HMCN1: variants seen among roughly 807,000 people sequenced by gnomAD.
HMCN1 encodes the protein hemicentin-1.
HMCN1 carries 321 observed loss-of-function variants against 625.9 expected under a neutral mutation model. The ratio of observed to expected loss-of-function variants is 0.51; its 90% confidence interval spans 0.47 to 0.56. The LOEUF (loss-of-function observed/expected upper bound fraction) is 0.56, where lower values mean the gene tolerates loss of function less well. Among genes scored for constraint, HMCN1 ranks in the 20% least tolerant of loss-of-function variants. HMCN1 has a pLI of 0.00. For missense variants in HMCN1, 6,588 were observed against 6,887.3 expected (o/e 0.96, Z 1.54); for synonymous variants, 2,425 against 2,417.6 (o/e 1.00, Z -0.09).
At chr1:185,752,452 C>A (rs1311803338) in intron 1 of HMCN1, among the ~76,000 whole-genome samples, 1 of 152,132 alleles carries the variant, frequency 6.6e-6, no homozygotes. Flanking sequence ...CTGTTTTGAG[C>A]TTCTTTTTTA....
At chr1:185,902,358 C>T (rs1199644347) in intron 4 of HMCN1, among the ~76,000 whole-genome samples, 1 of 151,242 alleles carries the variant, frequency 6.6e-6, no homozygotes, top group East Asian at 1.9e-4. Context: ...AAACTATGAC[C>T]CTTCCTCCCA....
chr1:185,950,262 A>T (rs560199425), intron 11 of HMCN1, among the ~76,000 whole-genome samples: 2 of 151,790 alleles, frequency 1.3e-5, no homozygotes, highest in Admixed American at 1.3e-4. Context: ...CAGAAAGTAT[A>T]TGCGTCAGGT....
At chr1:186,168,651 C>T (rs1209918798) in intron 100 of HMCN1, among the ~76,000 whole-genome samples, 2 of 151,904 alleles carry the variant, frequency 1.3e-5, no homozygotes, top group Admixed American at 1.3e-4. Context: ...TATAGCAAGA[C>T]AGAAGTGGCA....
At chr1:186,015,901 A>T in intron 31 of HMCN1, 57 bp from the exon 32 acceptor site, 1 of 1,461,170 alleles carries the variant, frequency 6.8e-7, no homozygotes, top group Non-Finnish European at 9.6e-7. Flanking sequence ...ATTTCATTAG[A>T]ATGTATTTTG....
At chr1:185,961,946 AG>A (rs1299672569) in intron 11 of HMCN1, among the ~76,000 whole-genome samples, 6 of 152,306 alleles carry the variant, frequency 3.9e-5, no homozygotes, top group Admixed American at 1.3e-4. Context: ...TTCCATCAAA[AG>A]TTTTAAGTGT....
rs766152014 is a variant in HMCN1, at chr1:185,982,249, T to C, written c.2663-13T>C. ...AATAGAGTTGAAAGTGCCTGTGCTCTCTCTTGATTTAGTTGCTCCACTTAT... is the reference window on the plus strand; with the variant it reads ...AATAGAGTTGAAAGTGCCTGTGCTCCCTCTTGATTTAGTTGCTCCACTTAT... On this transcript the variant is annotated splice_polypyrimidine_tract_variant and intron_variant, in intron 17 of 106. Coordinates refer to ENST00000271588, the MANE Select transcript of HMCN1 (RefSeq NM_031935.3). 3 of 1,613,666 alleles carry C rather than the reference T, an allele frequency of 1.9e-6. No individual in the cohort carries two copies. Among genetic ancestry groups the C allele is most frequent in the Non-Finnish European group, 2.5e-6 (3 of 1,179,714 alleles).
At chr1:186,063,103 T>TATATATATAC (rs1657859128) in intron 48 of HMCN1, among the ~76,000 whole-genome samples, 1 of 130,056 alleles carries the variant, frequency 7.7e-6, no homozygotes, top group Non-Finnish European at 1.6e-5. Flanking sequence ...TATATATATA[T>TATATATATAC]CACATTTTCA....
chr1:185,787,764 T>G (rs1307062115), intron 1 of HMCN1, among the ~76,000 whole-genome samples: 1 of 152,212 alleles, frequency 6.6e-6, no homozygotes, highest in Non-Finnish European at 1.5e-5. Context: ...TGTAATTCTA[T>G]GAGGCAGTTT....
chr1:186,182,361 C>CG (rs1276402604), intron 105 of HMCN1, 74 bp downstream of exon 105: 50 of 1,562,270 alleles, frequency 3.2e-5, no homozygotes, highest in Non-Finnish European at 4.3e-5. Flanking sequence ...AGTTTTTTTT[C>CG]AATAATCATT....
rs568113439 is a variant in HMCN1 at position 186,032,152 on chromosome 1, G to A, written c.5750-5782G>A. ...ACCCACAGAGTGGGAGAAAATATTA[G>A]CAAACTGTGCATCTGGCAAAGGACC... On this transcript the variant is annotated intron_variant, in intron 36 of 106. Transcript: ENST00000271588. 2.0e-5 allele frequency among the ~76,000 whole-genome samples: 3 copies of A among 152,072 alleles called. No homozygotes were observed. In the South Asian group the frequency reaches 6.2e-4, roughly 32 times the overall value.
intron 64 of HMCN1, 38 bp from the exon 65 acceptor site, chr1:186,093,096 A>T: frequency 1.2e-6 from 2 of 1,611,984 alleles, no homozygotes; most frequent in South Asian, 2.2e-5. Context: ...AATAGATTCA[A>T]TCTCATCTCA....
Position 186,114,228 on chromosome 1 carries a change from T to C in HMCN1, c.11276+105T>C, listed in dbSNP as rs1661022179. 2.7e-6 allele frequency: 3 copies of C among 1,130,892 alleles called. No individual in the cohort carries two copies. The Admixed American group carries it at 5.5e-5, about 21-fold the overall frequency. 70.1% of individuals were successfully genotyped at this position (1,130,892 alleles called of 1,614,324 possible). On this transcript the variant is annotated intron_variant, in intron 73 of 106. Transcript: ENST00000271588. Reference sequence around the variant, plus strand: ...GGTCTCATTATGTTTAGAATCAGCATTTCATCTTAATACGAGAATCAAAAT... The same window carrying C: ...GGTCTCATTATGTTTAGAATCAGCACTTCATCTTAATACGAGAATCAAAAT...
At position 185,887,789 on chromosome 1, in the gene HMCN1, G is replaced by A. The variant is rs1664766061; in HGVS notation, c.622-21548G>A. Among the ~76,000 whole-genome samples the A allele has an allele frequency of 2.2e-5, 3 of 138,362 alleles. No individual in the cohort carries two copies. The South Asian group carries it at 7.1e-4, about 33-fold the overall frequency. 90.8% of individuals were successfully genotyped at this position (138,362 alleles called of 152,430 possible). The stretch of plus-strand genomic sequence containing the variant: ...ACATACGTGTGCATGTGTCTTTATA[G>A]CAGCATGATTTATAGTCCTTTGGGT... On this transcript the variant is annotated intron_variant, in intron 4 of 106. Coordinates refer to ENST00000271588, the MANE Select transcript of HMCN1 (RefSeq NM_031935.3).
Position 186,114,092 on chromosome 1 carries a change from G to T in HMCN1, c.11245G>T (p.Asp3749Tyr). 4 of 1,614,126 alleles carry T rather than the reference G, an allele frequency of 2.5e-6. No individual in the cohort carries two copies. Among genetic ancestry groups the T allele is most frequent in the Non-Finnish European group, 2.5e-6 (3 of 1,179,970 alleles). The change falls in exon 73 of 107, where the codon GAT becomes TAT. Residue 3749 changes from aspartate to tyrosine, a missense_variant. Physicochemically the swap from Asp to Tyr is radical, Grantham distance 160 (BLOSUM62 -3). This residue lies in a region of HMCN1 where 4,628 missense variants were observed against 4,853.1 expected (regional missense o/e 0.95). Transcript: ENST00000271588. ...VPTPRITWRK[D>Y]GAVLAGNHAR... ...AACTCCAAGGATAACATGGAGAAAG[G>T]ATGGAGCTGTTCTAGCTGGGAATCA...
chr1:185,933,102 G>A (rs1416154368), intron 10 of HMCN1, among the ~76,000 whole-genome samples: 1 of 152,014 alleles, frequency 6.6e-6, no homozygotes, highest in Non-Finnish European at 1.5e-5. Context: ...TTTCATTAAT[G>A]AGACTGTAAC....
At chr1:185,785,909 A>T (rs898821669) in intron 1 of HMCN1, among the ~76,000 whole-genome samples, 3 of 152,176 alleles carry the variant, frequency 2.0e-5, no homozygotes, top group Non-Finnish European at 4.4e-5. Flanking sequence ...TTTGTCATGA[A>T]CTTACTCTAC....
chr1:185,781,720 T>G (rs1446668714), intron 1 of HMCN1, among the ~76,000 whole-genome samples: 1 of 152,236 alleles, frequency 6.6e-6, no homozygotes, highest in African/African-American at 2.4e-5. Flanking sequence ...AGACAGTTTA[T>G]TATACTTTCC....
intron 30 of HMCN1, among the ~76,000 whole-genome samples, chr1:186,013,361 T>G (rs12743527): frequency 1.1e-4 from 16 of 152,220 alleles, no homozygotes; most frequent in Non-Finnish European, 2.4e-4. Flanking sequence ...CACAGTTGAT[T>G]GACGCTGATA....
At chr1:186,100,851 A>G (rs1285303216) in intron 68 of HMCN1, among the ~76,000 whole-genome samples, 1 of 152,096 alleles carries the variant, frequency 6.6e-6, no homozygotes, top group Non-Finnish European at 1.5e-5. Flanking sequence ...TTGTTTGGTG[A>G]TCAATGCAGT....
Sources: allele counts gnomAD v4.1 joint callset (sites outside exome capture counted in the v4.1 genomes callset), GRCh38; gene constraint gnomAD v4.1.1; regional missense constraint gnomAD v4.1.1; transcripts MANE v1.5; gene names NCBI Gene and HGNC (gene_info 2026-07-23, HGNC 2026-07-21).